The following ASMTL variants were observed in gnomAD, a reference collection of about 807,000 sequenced individuals.
ASMTL encodes probable bifunctional dTTP/UTP pyrophosphatase/methyltransferase protein.
ASMTL carries 57 observed loss-of-function variants against 60.3 expected under a neutral mutation model. The ratio of observed to expected loss-of-function variants is 0.95; its 90% confidence interval spans 0.76 to 1.18. The LOEUF (loss-of-function observed/expected upper bound fraction) is 1.18, where lower values mean the gene tolerates loss of function less well. Ranked by LOEUF, ASMTL falls within the 50% of genes most tolerant of loss-of-function variation. The pLI is 0.00. For missense variants in ASMTL, 981 were observed against 852.6 expected, an observed-to-expected ratio of 1.15 and a Z score of -1.88; for synonymous variants, 419 against 373.0, an observed-to-expected ratio of 1.12 and a Z score of -1.42.
chrX:1,422,687 C>T (rs2090514367), intron 8 of ASMTL, among the ~76,000 whole-genome samples: 1 of 152,086 alleles, frequency 6.6e-6, no homozygotes, highest in Admixed American at 6.5e-5. Flanking sequence ...AAGAAACAGC[C>T]CTGTGTTCAT....
At chrX:1,435,663 G>T (rs762191658) in intron 4 of ASMTL, 31 bp downstream of exon 4, 5 of 1,610,000 alleles carry the variant, frequency 3.1e-6, no homozygotes, top group Non-Finnish European at 4.2e-6. Context: ...CTCAGAACCC[G>T]AGAGGGCTCA....
chrX:1,450,213 C>T lies in ASMTL; in HGVS notation c.93+2535G>A, dbSNP rs181115783. ...AGTAACTATCCCTTCATCACTAGAC[C>T]GTCTCCTCCATGTGATTAGGGCTCC... is the stretch of plus-strand genomic sequence containing the variant. On this transcript the variant is annotated intron_variant, in intron 1 of 12. Transcript: ENST00000381317. Among the ~76,000 whole-genome samples, 19 of 152,062 alleles carry T rather than the reference C, an allele frequency of 1.2e-4. No individual in the cohort carries two copies. The South Asian group carries it at 2.5e-3, about 20-fold the overall frequency.
chrX:1,452,890 C>G lies in ASMTL; in HGVS notation c.-50G>C. 1 of 1,389,878 alleles carries G rather than the reference C, an allele frequency of 7.2e-7. No individual in the cohort carries two copies. Among genetic ancestry groups the G allele is most frequent in the Non-Finnish European group, 9.6e-7 (1 of 1,042,028 alleles). The allele number at this position is 1,389,878 out of a possible 1,614,324, so 86.1% of individuals were successfully genotyped here. ...TCCGCACTTCTGAGCCCGGAGCCCG[C>G]GGTGCGCGCAGCGCGGCTGCAAAAA... is the stretch of plus-strand genomic sequence containing the variant. On this transcript the variant is annotated 5_prime_UTR_variant, in exon 1 of 13. Transcript: ENST00000381317.
chrX:1,413,947 C>T (rs779087150), intron 11 of ASMTL: 1 of 151,238 alleles, frequency 6.6e-6, no homozygotes, highest in East Asian at 2.0e-4. Flanking sequence ...TGGTGACGTC[C>T]AAAAGATCTG....
chrX:1,426,105 T>C (rs2090604315), intron 7 of ASMTL, among the ~76,000 whole-genome samples: 1 of 151,632 alleles, frequency 6.6e-6, no homozygotes, highest in Admixed American at 6.6e-5. Flanking sequence ...GAAAAGGAGA[T>C]GAGGACACAG....
Position 1,452,894 on chromosome X carries a change from G to C in ASMTL, c.-54C>G. 7.4e-7 allele frequency: 1 copy of C among 1,356,420 alleles called. No individual in the cohort carries two copies. The highest frequency in any genetic ancestry group is 9.8e-7 in the Non-Finnish European group (1 of 1,017,986). 84.0% of individuals were successfully genotyped at this position (1,356,420 alleles called of 1,614,324 possible). ...CACTTCTGAGCCCGGAGCCCGCGGT[G>C]CGCGCAGCGCGGCTGCAAAAAAAAC... On this transcript the variant is annotated 5_prime_UTR_variant, in exon 1 of 13. Coordinates refer to ENST00000381317, the MANE Select transcript of ASMTL (RefSeq NM_004192.4).
chrX:1,417,109 ACACCCAGACACATG>A (rs2090312784), intron 11 of ASMTL, among the ~76,000 whole-genome samples: 1 of 151,874 alleles, frequency 6.6e-6, no homozygotes, highest in Admixed American at 6.6e-5. Flanking sequence ...ACAGACAAGC[ACACCCAGACACATG>A]CACACAGACA....
chrX:1,413,992 C>T (rs1201184483), intron 11 of ASMTL: 1 of 151,024 alleles, frequency 6.6e-6, no homozygotes, highest in Non-Finnish European at 1.5e-5. Context: ...GGGAATGGGA[C>T]CTCATTTGGA....
upstream of ASMTL, among the ~76,000 whole-genome samples, chrX:1,453,250 C>A (rs1442959131): frequency 6.6e-6 from 1 of 150,478 alleles, no homozygotes; most frequent in Non-Finnish European, 1.5e-5. Flanking sequence ...CCAGGCCACG[C>A]CCAGGCCACA....
At chrX:1,444,865 A>C (rs2149345722) in intron 1 of ASMTL, among the ~76,000 whole-genome samples, 1 of 152,088 alleles carries the variant, frequency 6.6e-6, no homozygotes, top group South Asian at 2.1e-4. Flanking sequence ...TGTAAAGGGG[A>C]CTTAGAGGCT....
chrX:1,403,728 T>A, intron 12 of ASMTL: 1 of 598,244 alleles, frequency 1.7e-6, no homozygotes, highest in Non-Finnish European at 3.0e-6. Flanking sequence ...ATGCATCACC[T>A]GGGCCTTTTC....
chrX:1,427,832 G>A lies in ASMTL; in HGVS notation c.799C>T (p.Gln267Ter). The stretch of plus-strand genomic sequence containing the variant: ...TGACACTCAGCCTCTGCCGTGGCCT[G>A]TCCCGCCTCTCCCGCCTCGGCCTTC... ...DEKAEAGEAG[Q>*]ATAEAECHRT... The change falls in exon 7 of 13, where the codon CAG (glutamine) becomes TAG (stop). Residue 267 changes from glutamine to a stop codon, truncating the protein, a stop_gained. Transcript: ENST00000381317. LOFTEE classifies it high-confidence loss of function. The A allele has an allele frequency of 6.2e-7, 1 of 1,612,148 alleles. No homozygotes were observed. Among genetic ancestry groups the A allele is most frequent in the Non-Finnish European group, 8.5e-7 (1 of 1,179,816 alleles).
intron 11 of ASMTL, among the ~76,000 whole-genome samples, chrX:1,417,081 GCA>G (rs1424972488): frequency 6.7e-6 from 1 of 149,960 alleles, no homozygotes; most frequent in Non-Finnish European, 1.5e-5. Flanking sequence ...CACACACCAT[GCA>G]CATAGATGCA....
chrX:1,403,490 C>T lies in ASMTL; in HGVS notation c.1646-1G>A. On this transcript the variant is annotated splice_acceptor_variant, in intron 12 of 12. Coordinates refer to ENST00000381317, the MANE Select transcript of ASMTL (RefSeq NM_004192.4). LOFTEE classifies it high-confidence loss of function. ...GTCTCCACCAGCAGCAGGCCGGCCC[C>T]TGAGGGAGACAGCAGAGAGCTGGAG... 6.2e-7 allele frequency: 1 copy of T among 1,612,164 alleles called. No homozygotes were observed. Among genetic ancestry groups the T allele is most frequent in the Non-Finnish European group, 8.5e-7 (1 of 1,179,714 alleles).
chrX:1,411,168 A>T (rs28663538), intron 12 of ASMTL, among the ~76,000 whole-genome samples: 8 of 151,618 alleles, frequency 5.3e-5, no homozygotes, highest in Admixed American at 2.0e-4. Flanking sequence ...TGGGCGACAG[A>T]GCGAGACTCC....
chrX:1,438,916 G>A lies in ASMTL; in HGVS notation c.273+181C>T, dbSNP rs184523795. ...TGCTGGGATGACAGGGGTGAGCCAC[G>A]GCGCCTGGCCCCTTCCCGTGCCCTT... On this transcript the variant is annotated intron_variant, in intron 3 of 12. Coordinates refer to ENST00000381317, the MANE Select transcript of ASMTL (RefSeq NM_004192.4). 9.0e-3 allele frequency: 1,867 copies of A among 207,914 alleles called. 13 individuals are homozygous for A. The highest frequency in any genetic ancestry group is 0.045 in the South Asian group (262 of 5,846). 12.9% of individuals were successfully genotyped at this position (207,914 alleles called of 1,614,324 possible).
At chrX:1,447,091 T>C (rs1386494053) in intron 1 of ASMTL, among the ~76,000 whole-genome samples, 1 of 152,224 alleles carries the variant, frequency 6.6e-6, no homozygotes, top group Non-Finnish European at 1.5e-5. Flanking sequence ...CAACGGGTGC[T>C]GCTTGGAAGG....
intron 11 of ASMTL, chrX:1,413,128 T>C: frequency 2.2e-6 from 1 of 453,652 alleles, no homozygotes; most frequent in Non-Finnish European, 4.0e-6. Context: ...TTTGGGAGCC[T>C]GAGGTGGGCA....
intron 3 of ASMTL, among the ~76,000 whole-genome samples, chrX:1,437,668 C>A (rs1227209240): frequency 1.3e-5 from 2 of 150,828 alleles, no homozygotes; most frequent in South Asian, 2.1e-4. Flanking sequence ...GATGCCGAGG[C>A]GGGTGGATCA....
Sources: allele counts gnomAD v4.1 joint callset (sites outside exome capture counted in the v4.1 genomes callset), GRCh38; gene constraint gnomAD v4.1.1; transcripts MANE v1.5; gene names NCBI Gene and HGNC (gene_info 2026-07-23, HGNC 2026-07-21).